The following PLPPR1 variants were observed in gnomAD, a reference collection of about 807,000 sequenced individuals.
PLPPR1 encodes the protein phospholipid phosphatase-related protein type 1.
Under a neutral mutation model 33.1 loss-of-function variants are expected in PLPPR1, and 10 were observed. That is an observed-to-expected ratio of 0.30 (90% CI 0.19 to 0.51). The LOEUF (loss-of-function observed/expected upper bound fraction) is 0.51. Among genes scored for constraint, PLPPR1 ranks in the 20% least tolerant of loss-of-function variants. The pLI is 0.97. For synonymous variants in PLPPR1, 151 were observed against 151.0 expected (o/e 1.00, Z 0.00); for missense variants, 304 against 408.1 (o/e 0.74, Z 2.20).
intron 1 of PLPPR1, among the ~76,000 whole-genome samples, chr9:101,170,662 A>G (rs1369595857): frequency 2.0e-5 from 3 of 152,340 alleles, no homozygotes; most frequent in East Asian, 3.9e-4. Flanking sequence ...TAGGCCAGAC[A>G]CAGTGGCCCA....
At chr9:101,323,490 G>T (rs1373822080) in intron 7 of PLPPR1, among the ~76,000 whole-genome samples, 1 of 131,490 alleles carries the variant, frequency 7.6e-6, no homozygotes, top group Non-Finnish European at 1.7e-5. Flanking sequence ...AAAAAAAAAA[G>T]TTTGGGTGAA....
intron 1 of PLPPR1, among the ~76,000 whole-genome samples, chr9:101,071,153 G>A (rs1302361255): frequency 6.6e-6 from 1 of 152,108 alleles, no homozygotes; most frequent in African/African-American, 2.4e-5. Context: ...CCTGCCCTAA[G>A]AGAGCAGTGG....
chr9:101,233,335 G>C (rs935914717), intron 2 of PLPPR1, among the ~76,000 whole-genome samples: 4 of 151,872 alleles, frequency 2.6e-5, no homozygotes, highest in Non-Finnish European at 4.4e-5. Context: ...TGGGGAAAAT[G>C]GAATAATGTT....
chr9:101,028,834 G>T lies in PLPPR1; in HGVS notation c.-314G>T, dbSNP rs1468669045. ...CAGCGGAGGAAGCAGAGCGCGGGAT[G>T]GGCGCCCAGCGGCATCTGTGATCCC... On this transcript the variant is annotated 5_prime_UTR_variant, in exon 1 of 8. It removes an upstream start codon present in the reference 5' UTR. Coordinates refer to ENST00000374874, the MANE Select transcript of PLPPR1 (RefSeq NM_207299.2). 1 of 152,484 alleles carries T rather than the reference G, an allele frequency of 6.6e-6. No homozygotes were observed. Among genetic ancestry groups the T allele is most frequent in the East Asian group, 1.9e-4 (1 of 5,186 alleles). The allele number at this position is 152,484 out of a possible 1,614,324, so 9.4% of individuals were successfully genotyped here.
At chr9:101,055,249 C>A (rs762145327) in intron 1 of PLPPR1, among the ~76,000 whole-genome samples, 5 of 152,162 alleles carry the variant, frequency 3.3e-5, no homozygotes, top group Non-Finnish European at 7.4e-5. Flanking sequence ...TGAAAAAGAT[C>A]TAAATGGATT....
chr9:101,208,502 T>A (rs1826629429), intron 2 of PLPPR1, among the ~76,000 whole-genome samples: 1 of 152,230 alleles, frequency 6.6e-6, no homozygotes, highest in South Asian at 2.1e-4. Context: ...TTACAGCTAT[T>A]CTTTAATCTT....
intron 2 of PLPPR1, among the ~76,000 whole-genome samples, chr9:101,246,922 C>T (rs1827620990): frequency 6.6e-6 from 1 of 151,976 alleles, no homozygotes; most frequent in Non-Finnish European, 1.5e-5. Context: ...TTCCACCTAG[C>T]TAACCCAGTT....
At chr9:101,253,820 A>G (rs1222716517) in intron 2 of PLPPR1, among the ~76,000 whole-genome samples, 1 of 152,130 alleles carries the variant, frequency 6.6e-6, no homozygotes, top group Non-Finnish European at 1.5e-5. Flanking sequence ...TGTCCTCACC[A>G]TTCCCTATCC....
At chr9:101,185,217 G>T in intron 1 of PLPPR1, 1 of 370,198 alleles carries the variant, frequency 2.7e-6, no homozygotes, top group Non-Finnish European at 4.8e-6. Flanking sequence ...TGCACAAGCG[G>T]CTCCTGACCT....
rs181049841 is a variant in PLPPR1, at chr9:101,181,389, T to C, written c.-45-4061T>C. 9.3e-5 allele frequency among the ~76,000 whole-genome samples: 14 copies of C among 151,036 alleles called. No homozygotes were observed. In the East Asian group the frequency reaches 2.7e-3, roughly 29 times the overall value. ...GGAATGTAAATTAATATATCCATTC[T>C]GGAAAACAGTATGGAGGCTCCTCAG... On this transcript the variant is annotated intron_variant, in intron 1 of 7. Coordinates refer to ENST00000374874, the MANE Select transcript of PLPPR1 (RefSeq NM_207299.2).
intron 1 of PLPPR1, among the ~76,000 whole-genome samples, chr9:101,050,592 C>A (rs963049680): frequency 6.6e-6 from 1 of 152,030 alleles, no homozygotes. Context: ...ATTGTAAGGA[C>A]GTGTTTGAGT....
At chr9:101,319,184 T>C (rs1183107793) in intron 7 of PLPPR1, among the ~76,000 whole-genome samples, 1 of 152,236 alleles carries the variant, frequency 6.6e-6, no homozygotes, top group South Asian at 2.1e-4. Flanking sequence ...TATGCTCTTT[T>C]TTCCCCCGCT....
intron 2 of PLPPR1, among the ~76,000 whole-genome samples, chr9:101,261,366 T>C (rs971366340): frequency 2.0e-5 from 3 of 152,192 alleles, no homozygotes; most frequent in African/African-American, 4.8e-5. Context: ...CTAAGTATTA[T>C]TGATGTCTGT....
intron 7 of PLPPR1, among the ~76,000 whole-genome samples, chr9:101,320,323 T>C (rs1829131446): frequency 6.6e-6 from 1 of 152,212 alleles, no homozygotes; most frequent in Non-Finnish European, 1.5e-5. Flanking sequence ...TGTTCCCTCA[T>C]GTCTGCCTCC....
intron 1 of PLPPR1, among the ~76,000 whole-genome samples, chr9:101,153,516 A>G (rs1248331406): frequency 6.6e-6 from 1 of 152,118 alleles, no homozygotes; most frequent in Non-Finnish European, 1.5e-5. Flanking sequence ...TCAGTATGAT[A>G]TTGGCTGTGG....
chr9:101,260,109 G>GGA (rs1480751852), intron 2 of PLPPR1, among the ~76,000 whole-genome samples: 2 of 152,116 alleles, frequency 1.3e-5, no homozygotes, highest in South Asian at 2.1e-4. Flanking sequence ...ACTGAGGCCA[G>GGA]GAGAGAGAGA....
intron 2 of PLPPR1, among the ~76,000 whole-genome samples, chr9:101,213,699 T>C (rs948387045): frequency 6.6e-5 from 10 of 152,174 alleles, no homozygotes; most frequent in African/African-American, 1.9e-4. Flanking sequence ...ATTTTTATGA[T>C]CCTTCCATTC....
intron 4 of PLPPR1, among the ~76,000 whole-genome samples, chr9:101,295,383 A>C (rs951908981): frequency 4.6e-5 from 7 of 151,722 alleles, no homozygotes; most frequent in African/African-American, 1.4e-4. Context: ...TGCCCAAGGT[A>C]ATTTATAGAT....
At chr9:101,247,791 A>G (rs1282300238) in intron 2 of PLPPR1, among the ~76,000 whole-genome samples, 2 of 151,954 alleles carry the variant, frequency 1.3e-5, no homozygotes, top group African/African-American at 4.8e-5. Flanking sequence ...TTTCAGGCCC[A>G]GGGTACTCCT....
Sources: gnomAD v4.1 joint callset for allele counts (sites outside exome capture counted in the v4.1 genomes callset) on GRCh38, gnomAD v4.1.1 for gene constraint, MANE v1.5 for transcripts, NCBI Gene and HGNC (gene_info 2026-07-23, HGNC 2026-07-21) for gene names.